EXOC6B: variants seen among roughly 807,000 people sequenced by gnomAD.
The protein encoded by EXOC6B is exocyst complex component 6B, also known as SEC15 homolog B.
Under a neutral mutation model 113.5 loss-of-function variants are expected in EXOC6B, and 54 were observed. That is an observed-to-expected ratio of 0.48 (90% CI 0.38 to 0.60). The LOEUF (loss-of-function observed/expected upper bound fraction) is 0.60. Among genes scored for constraint, EXOC6B ranks in the 20% least tolerant of loss-of-function variants. The pLI is 0.00. For missense variants in EXOC6B, 797 were observed against 977.5 expected, an observed-to-expected ratio of 0.82 and a Z score of 2.46; for synonymous variants, 357 against 339.0, an observed-to-expected ratio of 1.05 and a Z score of -0.58.
intron 6 of EXOC6B, among the ~76,000 whole-genome samples, chr2:72,634,080 G>A (rs1436866011): frequency 6.6e-6 from 1 of 152,046 alleles, no homozygotes; most frequent in Non-Finnish European, 1.5e-5. Context: ...CAAAACATTG[G>A]TAGCTTAAAA....
intron 20 of EXOC6B, among the ~76,000 whole-genome samples, chr2:72,200,787 T>G (rs977514910): frequency 3.8e-4 from 58 of 152,240 alleles, no homozygotes; most frequent in African/African-American, 1.3e-3. Flanking sequence ...GTCAGGTGCC[T>G]AGAGAGGTGA....
At chr2:72,287,732 C>G (rs375395435) in intron 20 of EXOC6B, among the ~76,000 whole-genome samples, 1 of 151,908 alleles carries the variant, frequency 6.6e-6, no homozygotes, top group African/African-American at 2.4e-5. Flanking sequence ...ACACAATTTA[C>G]CAAAACTGAT....
At chr2:72,274,550 C>G (rs1684698594) in intron 20 of EXOC6B, among the ~76,000 whole-genome samples, 1 of 152,106 alleles carries the variant, frequency 6.6e-6, no homozygotes, top group South Asian at 2.1e-4. Context: ...GAGTATTTAA[C>G]ACAGGCTGCT....
rs1333042464 is a variant in EXOC6B at position 72,178,974 on chromosome 2, C to T, written c.*361G>A. 5.1e-6 allele frequency: 1 copy of T among 197,492 alleles called. No individual in the cohort carries two copies. Among genetic ancestry groups the T allele is most frequent in the Non-Finnish European group, 1.0e-5 (1 of 97,252 alleles). 12.2% of individuals were successfully genotyped at this position (197,492 alleles called of 1,614,324 possible). On this transcript the variant is annotated 3_prime_UTR_variant, in exon 22 of 22. Transcript: ENST00000272427. ...TTTAGTATCCTTTTGCTTACTCACT[C>T]TACCTCCCAGCGCCAGATACCCACT...
At chr2:72,707,263 C>G (rs951808451) in intron 6 of EXOC6B, among the ~76,000 whole-genome samples, 3 of 152,116 alleles carry the variant, frequency 2.0e-5, no homozygotes, top group Non-Finnish European at 4.4e-5. Flanking sequence ...AATTCAAATG[C>G]ACCTTATTAT....
intron 20 of EXOC6B, among the ~76,000 whole-genome samples, chr2:72,262,793 G>A (rs1180855879): frequency 6.6e-6 from 1 of 151,880 alleles, no homozygotes; most frequent in Non-Finnish European, 1.5e-5. Context: ...AAATACATAT[G>A]GAATTAATTC....
intron 6 of EXOC6B, among the ~76,000 whole-genome samples, chr2:72,607,923 G>A (rs997675873): frequency 1.3e-5 from 2 of 151,960 alleles, no homozygotes; most frequent in African/African-American, 4.8e-5. Context: ...CCAATTCACA[G>A]TAAACAAATG....
At chr2:72,795,553 G>T (rs541698702) in intron 1 of EXOC6B, among the ~76,000 whole-genome samples, 1 of 152,140 alleles carries the variant, frequency 6.6e-6, no homozygotes, top group East Asian at 1.9e-4. Context: ...TCCAGCCTGG[G>T]CAGCAGAGCA....
intron 2 of EXOC6B, among the ~76,000 whole-genome samples, chr2:72,738,069 C>T (rs1022262716): frequency 6.6e-6 from 1 of 151,984 alleles, no homozygotes; most frequent in African/African-American, 2.4e-5. Flanking sequence ...AACACTCTAG[C>T]TTATTCTTAG....
intron 6 of EXOC6B, among the ~76,000 whole-genome samples, chr2:72,681,851 G>T (rs1012902690): frequency 2.0e-5 from 3 of 152,062 alleles, no homozygotes; most frequent in Admixed American, 2.0e-4. Context: ...GGGTAGTCTT[G>T]ATTTATTAAA....
At chr2:72,737,369 C>A (rs1231581432) in intron 2 of EXOC6B, among the ~76,000 whole-genome samples, 2 of 151,602 alleles carry the variant, frequency 1.3e-5, no homozygotes, top group African/African-American at 2.4e-5. Flanking sequence ...AAAAAAAGTT[C>A]TTTAATATAC....
chr2:72,320,546 T>C (rs1687789915), intron 20 of EXOC6B, among the ~76,000 whole-genome samples: 1 of 152,188 alleles, frequency 6.6e-6, no homozygotes, highest in Non-Finnish European at 1.5e-5. Flanking sequence ...ACCTTGGCCA[T>C]ACTTCATATC....
At chr2:72,661,204 C>T (rs1447540573) in intron 6 of EXOC6B, among the ~76,000 whole-genome samples, 1 of 151,960 alleles carries the variant, frequency 6.6e-6, no homozygotes, top group Non-Finnish European at 1.5e-5. Flanking sequence ...GAGAAGTCCA[C>T]ACCAAAGTGA....
intron 11 of EXOC6B, among the ~76,000 whole-genome samples, chr2:72,512,004 C>T (rs1700928235): frequency 6.6e-6 from 1 of 152,066 alleles, no homozygotes; most frequent in African/African-American, 2.4e-5. Context: ...ATTCCTCAAA[C>T]ACTTTGAGAT....
intron 20 of EXOC6B, among the ~76,000 whole-genome samples, chr2:72,306,992 C>T (rs1158287505): frequency 6.6e-6 from 1 of 152,114 alleles, no homozygotes; most frequent in Non-Finnish European, 1.5e-5. Flanking sequence ...TAATTTACTT[C>T]ATATGATAAA....
chr2:72,678,716 A>G (rs975127813), intron 6 of EXOC6B, among the ~76,000 whole-genome samples: 15 of 152,194 alleles, frequency 9.9e-5, no homozygotes, highest in African/African-American at 3.6e-4. Flanking sequence ...CAACAACAAC[A>G]AAAAAGGAAA....
chr2:72,179,396 T>C lies in EXOC6B; in HGVS notation c.2375A>G (p.Gln792Arg). Residue 792 changes from glutamine to arginine, a missense_variant, in exon 22 of 22, where the codon CAG (glutamine) becomes CGG (arginine). Gln to Arg is a conservative substitution (Grantham distance 43, BLOSUM62 1). Coordinates refer to ENST00000272427, the MANE Select transcript of EXOC6B (RefSeq NM_015189.3). ...AQFRKNERDK[Q>R]KLIDTVAKQL... ...CTTGGCCACGGTGTCAATGAGTTTCTGCTTGTCTCGCTCATTTTTCCGAAA... is the reference window on the plus strand; with the variant it reads ...CTTGGCCACGGTGTCAATGAGTTTCCGCTTGTCTCGCTCATTTTTCCGAAA... 1 of 1,613,850 alleles carries C rather than the reference T, an allele frequency of 6.2e-7. No individual in the cohort carries two copies. Among genetic ancestry groups the C allele is most frequent in the Non-Finnish European group, 8.5e-7 (1 of 1,179,858 alleles).
At chr2:72,199,134 A>G (rs1166843325) in intron 20 of EXOC6B, among the ~76,000 whole-genome samples, 6 of 152,192 alleles carry the variant, frequency 3.9e-5, no homozygotes, top group Non-Finnish European at 8.8e-5. Flanking sequence ...AGAGCTGGCT[A>G]GTGAGTCACT....
At chr2:72,289,949 G>GA (rs1443157500) in intron 20 of EXOC6B, among the ~76,000 whole-genome samples, 14 of 152,310 alleles carry the variant, frequency 9.2e-5, no homozygotes, top group Admixed American at 1.3e-4. Flanking sequence ...TTGAAGGCCT[G>GA]AAAAAACCAC....
Sources: gnomAD v4.1 joint callset for allele counts (sites outside exome capture counted in the v4.1 genomes callset) on GRCh38, gnomAD v4.1.1 for gene constraint, MANE v1.5 for transcripts, NCBI Gene and HGNC (gene_info 2026-07-23, HGNC 2026-07-21) for gene names.